Variants in CA10 observed in about 807,000 individuals in gnomAD.
CA10 encodes the protein carbonic anhydrase 10 (inactive).
A neutral mutation model predicts 44.2 loss-of-function variants in CA10; 14 were observed. The ratio of observed to expected loss-of-function variants is 0.32; its 90% CI spans 0.21 to 0.50. CA10 has a LOEUF of 0.50. Ranked by LOEUF, CA10 falls within the 20% of genes least tolerant of loss-of-function variation. CA10 has a pLI of 0.99. For synonymous variants in CA10, 159 were observed against 141.6 expected (o/e 1.12, Z -0.87); for missense variants, 350 against 409.7 (o/e 0.85, Z 1.26).
intron 2 of CA10, among the ~76,000 whole-genome samples, chr17:52,068,328 C>A (rs974547676): frequency 6.6e-6 from 1 of 152,180 alleles, no homozygotes; most frequent in African/African-American, 2.4e-5. Flanking sequence ...TTCCCTTTGC[C>A]TTCTGCCATA....
At chr17:51,972,259 C>G (rs1984307074) in intron 2 of CA10, among the ~76,000 whole-genome samples, 1 of 152,154 alleles carries the variant, frequency 6.6e-6, no homozygotes, top group Non-Finnish European at 1.5e-5. Flanking sequence ...TGGAGACCAG[C>G]TGAAAAACCA....
At position 51,692,236 on chromosome 17, in the gene CA10, GTTTTT is replaced by G. The variant is rs34052168; in HGVS notation, c.466-38505_466-38501del. 5.5e-3 allele frequency among the ~76,000 whole-genome samples: 705 copies of G among 128,222 alleles called. 9 individuals are homozygous for G. The highest frequency in any genetic ancestry group is 0.019 in the African/African-American group (667 of 34,802). 84.1% of individuals were successfully genotyped at this position (128,222 alleles called of 152,430 possible). On this transcript the variant is annotated intron_variant, in intron 4 of 8. Transcript: ENST00000451037. ...CTTCTTTGGTTAATTTATTCTTAGG[GTTTTT>G]TTTTTTTTTTTGGTAGCTATTGTAA...
At chr17:52,101,114 C>T (rs1988528539) in intron 1 of CA10, among the ~76,000 whole-genome samples, 1 of 152,152 alleles carries the variant, frequency 6.6e-6, no homozygotes, top group Admixed American at 6.5e-5. Flanking sequence ...GCCACCATTC[C>T]CTGCTGGCAG....
chr17:52,047,737 T>G (rs1986951205), intron 2 of CA10, among the ~76,000 whole-genome samples: 3 of 151,970 alleles, frequency 2.0e-5, no homozygotes, highest in Non-Finnish European at 2.9e-5. Flanking sequence ...TTAATAATAC[T>G]GTATATGTGA....
chr17:51,828,033 A>ACTTCCACTACACCCCT, intron 3 of CA10, among the ~76,000 whole-genome samples: 1 of 152,212 alleles, frequency 6.6e-6, no homozygotes. Flanking sequence ...GAATACATGA[A>ACTTCCACTACACCCCT]CTTCCACTAC....
At chr17:51,992,423 A>G (rs1985074729) in intron 2 of CA10, among the ~76,000 whole-genome samples, 1 of 151,920 alleles carries the variant, frequency 6.6e-6, no homozygotes, top group Non-Finnish European at 1.5e-5. Context: ...GGAACTATTT[A>G]TTTTCTCTAT....
intron 1 of CA10, among the ~76,000 whole-genome samples, chr17:52,075,140 CA>C (rs2143148723): frequency 6.6e-6 from 1 of 152,084 alleles, no homozygotes; most frequent in South Asian, 2.1e-4. Flanking sequence ...AAAGGAAAAA[CA>C]ATCAATATAA....
chr17:51,773,111 G>T (rs1189061661), intron 3 of CA10, among the ~76,000 whole-genome samples: 1 of 152,152 alleles, frequency 6.6e-6, no homozygotes, highest in Non-Finnish European at 1.5e-5. Context: ...ACTTGTACAT[G>T]GTAAGTATCT....
chr17:52,135,920 T>G (rs1989347696), intron 1 of CA10, among the ~76,000 whole-genome samples: 2 of 152,228 alleles, frequency 1.3e-5, no homozygotes. Flanking sequence ...TCATGCTTAT[T>G]ATCTGTGCTG....
chr17:51,723,612 C>A (rs1567817641), intron 4 of CA10, among the ~76,000 whole-genome samples: 1 of 152,078 alleles, frequency 6.6e-6, no homozygotes, highest in South Asian at 2.1e-4. Flanking sequence ...TCTGGGGAAG[C>A]TTTTTGAAAC....
At chr17:51,735,079 C>A (rs1253441178) in intron 4 of CA10, among the ~76,000 whole-genome samples, 1 of 152,086 alleles carries the variant, frequency 6.6e-6, no homozygotes, top group African/African-American at 2.4e-5. Context: ...TTTCAGGAAC[C>A]AACTCACAAC....
intron 3 of CA10, among the ~76,000 whole-genome samples, chr17:51,881,383 T>C (rs1253413393): frequency 2.0e-5 from 3 of 152,134 alleles, no homozygotes; most frequent in Non-Finnish European, 2.9e-5. Context: ...AAGAAGGATT[T>C]ATCAATAAAG....
chr17:51,948,872 T>G lies in CA10; in HGVS notation c.137-17740A>C, dbSNP rs530805523. On this transcript the variant is annotated intron_variant, in intron 2 of 8. Coordinates refer to ENST00000451037, the MANE Select transcript of CA10 (RefSeq NM_020178.5). ...GATATTATATATTTTTGAAGGTATA[T>G]TTACATGCTAAAAATGTATGATTAA... is the stretch of plus-strand genomic sequence containing the variant. Among the ~76,000 whole-genome samples, 3 of 152,264 alleles carry G rather than the reference T, an allele frequency of 2.0e-5. No homozygotes were observed. In the South Asian group the frequency reaches 6.2e-4, roughly 32 times the overall value.
At chr17:51,706,220 C>T (rs997983582) in intron 4 of CA10, among the ~76,000 whole-genome samples, 4 of 152,176 alleles carry the variant, frequency 2.6e-5, no homozygotes, top group Non-Finnish European at 5.9e-5. Flanking sequence ...ACACTCAGTG[C>T]TCTTAAGTGA....
intron 3 of CA10, among the ~76,000 whole-genome samples, chr17:51,923,440 A>C (rs540480283): frequency 6.6e-6 from 1 of 152,300 alleles, no homozygotes; most frequent in South Asian, 2.1e-4. Context: ...TTGATTTGCT[A>C]ATTAATCATT....
At chr17:52,011,214 C>T (rs949330502) in intron 2 of CA10, among the ~76,000 whole-genome samples, 1 of 147,392 alleles carries the variant, frequency 6.8e-6, no homozygotes, top group Non-Finnish European at 1.5e-5. Flanking sequence ...ATTTATGATC[C>T]TTTATCATAA....
intron 3 of CA10, among the ~76,000 whole-genome samples, chr17:51,885,313 A>G (rs1445224718): frequency 1.3e-5 from 2 of 152,136 alleles, no homozygotes; most frequent in Non-Finnish European, 2.9e-5. Context: ...GGTCCAAACA[A>G]TGGATACAGC....
chr17:51,680,941 G>C (rs1321555748), intron 4 of CA10, among the ~76,000 whole-genome samples: 1 of 152,170 alleles, frequency 6.6e-6, no homozygotes, highest in African/African-American at 2.4e-5. Context: ...CAGAGAGCCA[G>C]AATGCCAGGG....
chr17:51,735,479 C>T (rs1916870203), intron 4 of CA10, among the ~76,000 whole-genome samples: 1 of 152,088 alleles, frequency 6.6e-6, no homozygotes, highest in African/African-American at 2.4e-5. Context: ...CAAACCTCAG[C>T]ATCGCGAGAT....
Sources: gnomAD v4.1 joint callset for allele counts (sites outside exome capture counted in the v4.1 genomes callset) on GRCh38, gnomAD v4.1.1 for gene constraint, MANE v1.5 for transcripts, NCBI Gene and HGNC (gene_info 2026-07-23, HGNC 2026-07-21) for gene names.